The following THSD7B variants were observed in gnomAD, a reference collection of about 807,000 sequenced individuals.
The protein encoded by THSD7B is thrombospondin type-1 domain-containing protein 7B.
In THSD7B, 138 loss-of-function variants were observed where a neutral mutation model predicts 213.6. The observed-to-expected ratio is 0.65, with a 90% CI of 0.56 to 0.74. The LOEUF (loss-of-function observed/expected upper bound fraction) is 0.74. THSD7B is among the 30% of genes least tolerant of loss of function. The pLI, the probability that THSD7B is intolerant of heterozygous loss-of-function variation, is 0.00. For missense variants in THSD7B, 1,931 were observed against 1,991.5 expected (o/e 0.97, Z 0.58); for synonymous variants, 742 against 687.0 (o/e 1.08, Z -1.25).
chr2:137,157,824 G>T lies in THSD7B; in HGVS notation c.1370-2389G>T, dbSNP rs568520173. Among the ~76,000 whole-genome samples, 3 of 152,272 alleles carry T rather than the reference G, an allele frequency of 2.0e-5. No homozygotes were observed. In the East Asian group the frequency reaches 5.8e-4, roughly 29 times the overall value. ...TAAATGAATTAATGTTGATAAGTGG[G>T]TTATAACTAGTGTCTGGCATGCATT... On this transcript the variant is annotated intron_variant, in intron 5 of 27. Coordinates refer to ENST00000409968, the MANE Select transcript of THSD7B (RefSeq NM_001316349.2).
rs1681573492 is a variant in THSD7B at position 137,228,772 on chromosome 2, T to C, written c.1724-2272T>C. 2.6e-5 allele frequency among the ~76,000 whole-genome samples: 4 copies of C among 152,192 alleles called. No individual in the cohort carries two copies. In the South Asian group the frequency reaches 6.2e-4, roughly 24 times the overall value. ...GCAGTTGCAACTTGACATTTACTTT[T>C]GGCCTTCGTTTTACTTTTATGTGTT... On this transcript the variant is annotated intron_variant, in intron 7 of 27. Coordinates refer to ENST00000409968, the MANE Select transcript of THSD7B (RefSeq NM_001316349.2).
intron 2 of THSD7B, among the ~76,000 whole-genome samples, chr2:136,994,121 C>A (rs1010032926): frequency 1.3e-5 from 2 of 152,092 alleles, no homozygotes. Flanking sequence ...AAGATTGTTG[C>A]AGGAGGGATT....
chr2:137,668,436 T>C (rs915136059), intron 27 of THSD7B, among the ~76,000 whole-genome samples: 1 of 136,690 alleles, frequency 7.3e-6, no homozygotes, highest in Non-Finnish European at 1.6e-5. Flanking sequence ...ATTTAACTGA[T>C]GGTCATTTGC....
intron 7 of THSD7B, among the ~76,000 whole-genome samples, chr2:137,206,257 C>A (rs903964259): frequency 3.9e-5 from 6 of 151,900 alleles, no homozygotes; most frequent in Non-Finnish European, 8.8e-5. Context: ...AGGAGCAAGA[C>A]ATTGTGATTA....
chr2:137,599,361 T>C (rs1182002651), intron 17 of THSD7B, among the ~76,000 whole-genome samples: 2 of 152,130 alleles, frequency 1.3e-5, no homozygotes, highest in Non-Finnish European at 2.9e-5. Context: ...AAGACATTTA[T>C]GCAGCCAAAA....
intron 20 of THSD7B, among the ~76,000 whole-genome samples, chr2:137,623,426 A>G (rs9678181): frequency 0.38 from 57,508 of 151,916 alleles, 12,868 homozygotes; most frequent in African/African-American, 0.63. Context: ...CACAAGACAC[A>G]GATGCCCTCT....
At chr2:137,131,556 A>T (rs1316560926) in intron 5 of THSD7B, among the ~76,000 whole-genome samples, 2 of 152,194 alleles carry the variant, frequency 1.3e-5, no homozygotes, top group Non-Finnish European at 2.9e-5. Flanking sequence ...TAATTTTTGT[A>T]TAAGGTGTAA....
At chr2:137,307,605 T>G (rs80306840) in intron 12 of THSD7B, among the ~76,000 whole-genome samples, 8,514 of 152,156 alleles carry the variant, frequency 0.056, 331 homozygotes, top group East Asian at 0.11. Flanking sequence ...TGCCAAATGT[T>G]AAATGTGTCC....
At chr2:137,669,021 T>A (rs1683508942) in intron 27 of THSD7B, among the ~76,000 whole-genome samples, 1 of 152,174 alleles carries the variant, frequency 6.6e-6, no homozygotes, top group Non-Finnish European at 1.5e-5. Context: ...TAGATTTTAA[T>A]GTTTTCAAGT....
At chr2:137,178,094 T>G (rs1406547402) in intron 7 of THSD7B, among the ~76,000 whole-genome samples, 1 of 143,982 alleles carries the variant, frequency 6.9e-6, no homozygotes, top group Non-Finnish European at 1.5e-5. Flanking sequence ...AAAAAAAAAG[T>G]AGTAGTATTG....
intron 14 of THSD7B, among the ~76,000 whole-genome samples, chr2:137,447,088 G>GA (rs1687555981): frequency 6.6e-6 from 1 of 151,992 alleles, no homozygotes; most frequent in South Asian, 2.1e-4. Flanking sequence ...TAATTTTCCT[G>GA]AAAAATAAAT....
At position 137,272,524 on chromosome 2, in the gene THSD7B, T is replaced by A; in HGVS notation, c.2267-9T>A. On this transcript the variant is annotated splice_polypyrimidine_tract_variant and intron_variant, in intron 10 of 27. Transcript: ENST00000409968. ...GGCACTATATAATTTTCTTTTTCCT[T>A]TACTTCAGGAAATGCCACAGTAAAA... 1 of 1,595,672 alleles carries A rather than the reference T, an allele frequency of 6.3e-7. No individual in the cohort carries two copies. Among genetic ancestry groups the A allele is most frequent in the Non-Finnish European group, 8.5e-7 (1 of 1,174,740 alleles).
At chr2:137,556,648 A>C (rs1452642189) in intron 15 of THSD7B, among the ~76,000 whole-genome samples, 4 of 152,220 alleles carry the variant, frequency 2.6e-5, no homozygotes, top group Non-Finnish European at 1.5e-5. Flanking sequence ...TGAGCAAAAT[A>C]ACCAGCTAAC....
intron 1 of THSD7B, among the ~76,000 whole-genome samples, chr2:136,825,718 A>ATTTTTTTTTTTTTTGTTTTTTTTTTT (rs759978910): frequency 2.6e-5 from 3 of 116,898 alleles, no homozygotes; most frequent in East Asian, 3.7e-4. Flanking sequence ...TGCCTGGCTA[A>ATTTTTTTTTTTTTTGTTTTTTTTTTT]TTTTTTTTTT....
At chr2:137,448,659 A>T (rs571611321) in intron 14 of THSD7B, among the ~76,000 whole-genome samples, 1 of 152,040 alleles carries the variant, frequency 6.6e-6, no homozygotes, top group Non-Finnish European at 1.5e-5. Context: ...ATTAGCCGGG[A>T]GCGGTGGCGG....
Position 137,677,398 on chromosome 2 carries a change from T to G in THSD7B, c.*793T>G, listed in dbSNP as rs1683728296. ...TAACAAAAACTTATCCATGTAGATA[T>G]AGCATTAACCACACACAGTTGTAAT... On this transcript the variant is annotated 3_prime_UTR_variant, in exon 28 of 28. Coordinates refer to ENST00000409968, the MANE Select transcript of THSD7B (RefSeq NM_001316349.2). 2.0e-5 allele frequency: 3 copies of G among 152,378 alleles called. No individual in the cohort carries two copies. Among genetic ancestry groups the G allele is most frequent in the Non-Finnish European group, 2.9e-5 (2 of 68,040 alleles). 9.4% of individuals were successfully genotyped at this position (152,378 alleles called of 1,614,324 possible).
At chr2:137,458,192 G>A (rs1431739000) in intron 15 of THSD7B, among the ~76,000 whole-genome samples, 1 of 152,166 alleles carries the variant, frequency 6.6e-6, no homozygotes, top group Non-Finnish European at 1.5e-5. Flanking sequence ...CTCTGGTGAA[G>A]GTTTCCCAGG....
intron 2 of THSD7B, among the ~76,000 whole-genome samples, chr2:136,946,140 G>A (rs1684932788): frequency 6.6e-6 from 1 of 152,154 alleles, no homozygotes. Context: ...TACATATGGG[G>A]TTTTGGTGTG....
intron 2 of THSD7B, among the ~76,000 whole-genome samples, chr2:137,043,860 TAATA>T (rs1326840013): frequency 7.2e-5 from 11 of 152,180 alleles, no homozygotes; most frequent in African/African-American, 2.7e-4. Flanking sequence ...CATCTTCTCT[TAATA>T]AATCTGTTTC....
Sources: allele counts gnomAD v4.1 joint callset (sites outside exome capture counted in the v4.1 genomes callset), GRCh38; gene constraint gnomAD v4.1.1; transcripts MANE v1.5; gene names NCBI Gene and HGNC (gene_info 2026-07-23, HGNC 2026-07-21).